The following SMYD4 variants were observed in gnomAD, a reference collection of about 807,000 sequenced individuals.
SMYD4 encodes the protein protein-lysine N-methyltransferase SMYD4.
In SMYD4, 68 loss-of-function variants were observed where a neutral mutation model predicts 72.8. The observed-to-expected ratio is 0.93, with a 90% CI of 0.77 to 1.14. SMYD4 has a LOEUF of 1.14. SMYD4 is among the 50% of genes most tolerant of loss of function. The probability of loss-of-function intolerance (pLI) is 0.00; values close to 1 mark genes in which losing one functional copy is unlikely to be tolerated. For missense variants in SMYD4, 984 were observed against 1,003.7 expected (o/e 0.98, Z 0.27); for synonymous variants, 407 against 388.6 (o/e 1.05, Z -0.56).
At chr17:1,812,277 C>T (rs774676567) in intron 2 of SMYD4, among the ~76,000 whole-genome samples, 162 bp from the exon 3 acceptor site, 11 of 152,136 alleles carry the variant, frequency 7.2e-5, no homozygotes, top group Non-Finnish European at 1.6e-4. Flanking sequence ...ATCTCATAGT[C>T]TCAGAGACAC....
chr17:1,794,340 C>A (rs1202336854), intron 5 of SMYD4, among the ~76,000 whole-genome samples: 1 of 147,910 alleles, frequency 6.8e-6, no homozygotes, highest in Non-Finnish European at 1.5e-5. Flanking sequence ...AGGATGGACA[C>A]GATCTCCTGA....
chr17:1,790,168 T>C (rs896771535), intron 5 of SMYD4, among the ~76,000 whole-genome samples: 1 of 152,206 alleles, frequency 6.6e-6, no homozygotes, highest in Non-Finnish European at 1.5e-5. Flanking sequence ...TGGCAATCTA[T>C]ATTAGAACCA....
intron 2 of SMYD4, among the ~76,000 whole-genome samples, chr17:1,827,266 C>T (rs1311500247): frequency 1.3e-5 from 2 of 150,500 alleles, no homozygotes; most frequent in African/African-American, 2.4e-5. Flanking sequence ...TGCCTGAACC[C>T]GGGAGGCGGA....
chr17:1,795,103 A>G (rs1909321548), intron 5 of SMYD4, among the ~76,000 whole-genome samples: 1 of 152,146 alleles, frequency 6.6e-6, no homozygotes, highest in Non-Finnish European at 1.5e-5. Flanking sequence ...TTCTAAAATG[A>G]CTGGGAAAGA....
intron 8 of SMYD4, among the ~76,000 whole-genome samples, chr17:1,784,040 C>CT (rs1908516517): frequency 3.3e-5 from 5 of 152,244 alleles, no homozygotes; most frequent in African/African-American, 1.2e-4. Context: ...CTGCACACAG[C>CT]TCACGGATGT....
intron 1 of SMYD4, among the ~76,000 whole-genome samples, chr17:1,828,874 G>A (rs1215206327): frequency 6.6e-6 from 1 of 152,124 alleles, no homozygotes; most frequent in African/African-American, 2.4e-5. Flanking sequence ...TGGGATTACA[G>A]GCGTGAGCCA....
chr17:1,795,746 A>ATT (rs1392367175), intron 5 of SMYD4, among the ~76,000 whole-genome samples: 1 of 42,412 alleles, frequency 2.4e-5, no homozygotes, highest in Non-Finnish European at 5.3e-5. Context: ...CTGGCCCGTG[A>ATT]GTTTTTTTTT....
intron 3 of SMYD4, among the ~76,000 whole-genome samples, chr17:1,805,957 T>G (rs1910010266): frequency 6.7e-6 from 1 of 149,172 alleles, no homozygotes; most frequent in African/African-American, 2.5e-5. Flanking sequence ...GGAGTCTCGC[T>G]CTGTCGCCCA....
chr17:1,824,362 T>C (rs969887444), intron 2 of SMYD4, among the ~76,000 whole-genome samples: 7 of 152,012 alleles, frequency 4.6e-5, no homozygotes, highest in African/African-American at 7.2e-5. Flanking sequence ...ATAATACTAA[T>C]AAAATACACT....
At chr17:1,798,772 T>C (rs1463594324) in intron 5 of SMYD4, among the ~76,000 whole-genome samples, 1 of 151,948 alleles carries the variant, frequency 6.6e-6, no homozygotes, top group Non-Finnish European at 1.5e-5. Context: ...TGGTGGCGCA[T>C]GCTTGTAATC....
chr17:1,818,799 C>T (rs1007032592), intron 2 of SMYD4, among the ~76,000 whole-genome samples: 7 of 151,844 alleles, frequency 4.6e-5, no homozygotes, highest in African/African-American at 1.2e-4. Context: ...TACTATCATG[C>T]GTGGCTAAAT....
At chr17:1,797,615 G>A (rs1049556306) in intron 5 of SMYD4, among the ~76,000 whole-genome samples, 2 of 152,216 alleles carry the variant, frequency 1.3e-5, no homozygotes, top group African/African-American at 4.8e-5. Context: ...GCTGCAGTGT[G>A]GGGTGGAAGG....
In SMYD4 at chr17:1,800,564, G is replaced by A. The variant is rs148966664; in HGVS notation, c.830C>T (p.Pro277Leu). 160 of 1,614,160 alleles carry A rather than the reference G, an allele frequency of 9.9e-5. 1 individual carries two copies. The South Asian group carries it at 1.1e-3, about 11-fold the overall frequency. ...SVLNPGELPP[P>L]HHGLDSKWDT... The stretch of plus-strand genomic sequence containing the variant: ...CCATTTGCTGTCTAGGCCGTGATGC[G>A]GTGGTGGCAGTTCTCCTGGGTTGAG... The change falls in exon 5 of 11, where the codon CCG (proline) becomes CTG (leucine). Residue 277 changes from proline (P) to leucine (L), a missense_variant. Transcript: ENST00000305513.
At chr17:1,795,747 G>GGT (rs1555575985) in intron 5 of SMYD4, among the ~76,000 whole-genome samples, 1 of 128,452 alleles carries the variant, frequency 7.8e-6, no homozygotes, top group East Asian at 2.2e-4. Flanking sequence ...TGGCCCGTGA[G>GGT]TTTTTTTTTT....
intron 2 of SMYD4, among the ~76,000 whole-genome samples, chr17:1,826,455 G>A (rs1911172441): frequency 7.5e-6 from 1 of 134,214 alleles, no homozygotes; most frequent in Non-Finnish European, 1.5e-5. Context: ...CTGTGCCACT[G>A]CACTCCAGCC....
chr17:1,792,991 C>T (rs1192039498), intron 5 of SMYD4, among the ~76,000 whole-genome samples: 3 of 151,994 alleles, frequency 2.0e-5, no homozygotes, highest in Non-Finnish European at 2.9e-5. Context: ...GATCTCAGCT[C>T]ACGGCGGCCT....
chr17:1,818,046 C>CAAA (rs540448588), intron 2 of SMYD4, among the ~76,000 whole-genome samples: 33,229 of 102,890 alleles, frequency 0.32, 6,037 homozygotes, highest in African/African-American at 0.44. Context: ...GACTCTGTCT[C>CAAA]AAAAAAAAAA....
intron 2 of SMYD4, among the ~76,000 whole-genome samples, chr17:1,827,456 A>G (rs1911249576): frequency 6.6e-6 from 1 of 152,212 alleles, no homozygotes; most frequent in African/African-American, 2.4e-5. Context: ...ACACACATAT[A>G]TAAAGGAAAA....
At chr17:1,806,549 T>TG (rs1262716709) in intron 3 of SMYD4, among the ~76,000 whole-genome samples, 2 of 152,042 alleles carry the variant, frequency 1.3e-5, no homozygotes, top group African/African-American at 2.4e-5. Flanking sequence ...ACTAAATATG[T>TG]GAAAAAAAAT....
Sources: allele counts gnomAD v4.1 joint callset (sites outside exome capture counted in the v4.1 genomes callset), GRCh38; gene constraint gnomAD v4.1.1; transcripts MANE v1.5; gene names NCBI Gene and HGNC (gene_info 2026-07-23, HGNC 2026-07-21).